The following CD47 variants were observed in gnomAD, a reference collection of about 807,000 sequenced individuals.
CD47 encodes the protein CD47 molecule, also known as leukocyte surface antigen CD47.
A neutral mutation model predicts 44.6 loss-of-function variants in CD47; 11 were observed. The observed-to-expected ratio is 0.25, with a 90% CI of 0.16 to 0.41. The LOEUF (loss-of-function observed/expected upper bound fraction) is 0.41, where lower values mean the gene tolerates loss of function less well. Ranked by LOEUF, CD47 falls within the 10% of genes least tolerant of loss-of-function variation. The probability of loss-of-function intolerance (pLI) is 1.00; values close to 1 mark genes in which losing one functional copy is unlikely to be tolerated. For missense variants in CD47, 306 were observed against 386.7 expected, an observed-to-expected ratio of 0.79 and a Z score of 1.75; for synonymous variants, 140 against 136.3, an observed-to-expected ratio of 1.03 and a Z score of -0.19.
rs879544590 is a variant in CD47 at position 108,088,625 on chromosome 3, A to AC, written c.46+2237_46+2238insG. The stretch of plus-strand genomic sequence containing the variant: ...ATTTAATCATATGTACCCTGATTTA[A>AC]AAAAAAAAACAACTCATTTTGAACA... On this transcript the variant is annotated intron_variant, in intron 1 of 10. Coordinates refer to ENST00000361309, the MANE Select transcript of CD47 (RefSeq NM_001777.4). Among the ~76,000 whole-genome samples the AC allele has an allele frequency of 6.9e-3, 1,045 of 150,568 alleles. 8 individuals are homozygous for AC. Among genetic ancestry groups the AC allele is most frequent in the South Asian group, 0.024 (115 of 4,808 alleles).
intron 1 of CD47, among the ~76,000 whole-genome samples, chr3:108,085,479 G>A (rs2079502374): frequency 6.6e-6 from 1 of 152,134 alleles, no homozygotes; most frequent in Non-Finnish European, 1.5e-5. Flanking sequence ...TATACAGCAA[G>A]TACTCAATAA....
chr3:108,065,609 G>A (rs996618687), intron 3 of CD47, among the ~76,000 whole-genome samples: 3 of 151,702 alleles, frequency 2.0e-5, no homozygotes, highest in Non-Finnish European at 2.9e-5. Flanking sequence ...TCAGGAGTTC[G>A]AGACCAGCCT....
chr3:108,064,397 T>C (rs1386635843), intron 3 of CD47, among the ~76,000 whole-genome samples: 2 of 152,180 alleles, frequency 1.3e-5, no homozygotes, highest in South Asian at 4.1e-4. Flanking sequence ...TTCATGCAGA[T>C]GAAGCAATGA....
At chr3:108,056,653 A>T (rs562960245) in intron 7 of CD47, among the ~76,000 whole-genome samples, 57 of 152,248 alleles carry the variant, frequency 3.7e-4, no homozygotes, top group African/African-American at 1.4e-3. Flanking sequence ...TAATTTTTTT[A>T]AAAAACGGAA....
intron 2 of CD47, among the ~76,000 whole-genome samples, chr3:108,075,937 A>C (rs991024645): frequency 2.6e-5 from 4 of 152,220 alleles, no homozygotes; most frequent in African/African-American, 9.6e-5. Context: ...GCAAGAAATG[A>C]GGGCAATCTC....
intron 2 of CD47, 140 bp downstream of exon 2, chr3:108,079,851 G>A (rs1215664584): frequency 1.7e-6 from 1 of 586,406 alleles, no homozygotes; most frequent in East Asian, 2.7e-5. Flanking sequence ...TCTTAAACTT[G>A]CTAAACATTA....
At chr3:108,090,673 G>C (rs914449927) in intron 1 of CD47, among the ~76,000 whole-genome samples, 190 bp downstream of exon 1, 10 of 152,174 alleles carry the variant, frequency 6.6e-5, no homozygotes, top group African/African-American at 1.9e-4. Context: ...GGAAAGGAAG[G>C]GAGGAAGAAG....
intron 2 of CD47, among the ~76,000 whole-genome samples, chr3:108,076,571 C>T (rs2108261493): frequency 6.6e-6 from 1 of 152,294 alleles, no homozygotes; most frequent in South Asian, 2.1e-4. Flanking sequence ...TGACCTTGAA[C>T]AATACCTTGA....
At chr3:108,058,728 G>A (rs1348552757) in intron 5 of CD47, among the ~76,000 whole-genome samples, 1 of 152,134 alleles carries the variant, frequency 6.6e-6, no homozygotes, top group Non-Finnish European at 1.5e-5. Flanking sequence ...AATATGAATG[G>A]CTATTATGAA....
chr3:108,080,591 A>G (rs190196616), intron 1 of CD47, among the ~76,000 whole-genome samples: 4 of 152,082 alleles, frequency 2.6e-5, no homozygotes, highest in African/African-American at 9.6e-5. Flanking sequence ...AGTATACATT[A>G]CATGCATCTT....
chr3:108,073,741 C>CT, intron 2 of CD47, among the ~76,000 whole-genome samples: 1 of 152,114 alleles, frequency 6.6e-6, no homozygotes, highest in Admixed American at 6.5e-5. Flanking sequence ...GAAAAATAAC[C>CT]TGACTTATTT....
In CD47 at chr3:108,050,587, G is replaced by T; in HGVS notation, c.925C>A (p.Pro309Thr). 1 of 1,197,614 alleles carries T rather than the reference G, an allele frequency of 8.3e-7. No individual in the cohort carries two copies. Among genetic ancestry groups the T allele is most frequent in the Non-Finnish European group, 1.2e-6 (1 of 836,672 alleles). The allele number at this position is 1,197,614 out of a possible 1,614,324, so 74.2% of individuals were successfully genotyped here. A position where few individuals can be genotyped will look rare whatever the true frequency, so the allele number is the denominator to read the frequency against. The change falls in exon 9 of 11, where the codon CCC becomes ACC. Residue 309 changes from proline (P) to threonine (T), a missense_variant. Coordinates refer to ENST00000361309, the MANE Select transcript of CD47 (RefSeq NM_001777.4). ...IQPPRKAVEE[P>T]LNAFKESKGM... ...TGAAATAACCACATACCATTAAGGG[G>T]TTCCTCTACAGCTTTCTGAAAAATA...
intron 7 of CD47, among the ~76,000 whole-genome samples, chr3:108,055,041 C>A (rs1197546716): frequency 6.6e-6 from 1 of 151,940 alleles, no homozygotes; most frequent in Non-Finnish European, 1.5e-5. Context: ...TCCTTTTTCT[C>A]ATCTTATAAA....
intron 1 of CD47, among the ~76,000 whole-genome samples, chr3:108,088,263 A>C (rs2079559050): frequency 6.6e-6 from 1 of 152,228 alleles, no homozygotes; most frequent in Non-Finnish European, 1.5e-5. Context: ...TTTTGGATTT[A>C]GAATATGTAT....
chr3:108,053,719 G>T (rs1252777918), intron 7 of CD47: 2 of 152,232 alleles, frequency 1.3e-5, no homozygotes, highest in African/African-American at 4.8e-5. Flanking sequence ...GCTCATAGGA[G>T]TCCAGTTTCT....
At chr3:108,047,414 C>CA in intron 10 of CD47, 122 bp from the exon 11 acceptor site, 9 of 594,266 alleles carry the variant, frequency 1.5e-5, no homozygotes, top group Admixed American at 3.5e-5. Flanking sequence ...AATAGACCTG[C>CA]AAAGGTCAGA....
intron 2 of CD47, among the ~76,000 whole-genome samples, chr3:108,076,109 TA>T (rs891068504): frequency 1.3e-5 from 2 of 152,254 alleles, no homozygotes; most frequent in African/African-American, 4.8e-5. Flanking sequence ...TTTAGTCTTT[TA>T]AGACTTTGAT....
At chr3:108,047,313 C>T in intron 10 of CD47, 21 bp from the exon 11 acceptor site, 2 of 1,591,800 alleles carry the variant, frequency 1.3e-6, no homozygotes, top group Non-Finnish European at 1.7e-6. Flanking sequence ...GAAAAATGAA[C>T]ACATAATCAC....
At chr3:108,051,603 C>T (rs2078829488) in intron 8 of CD47, among the ~76,000 whole-genome samples, 1 of 152,174 alleles carries the variant, frequency 6.6e-6, no homozygotes, top group Non-Finnish European at 1.5e-5. Context: ...TCTGTGTATG[C>T]ACATCCAATG....
Sources: gnomAD v4.1 joint callset for allele counts (sites outside exome capture counted in the v4.1 genomes callset) on GRCh38, gnomAD v4.1.1 for gene constraint, MANE v1.5 for transcripts, NCBI Gene and HGNC (gene_info 2026-07-23, HGNC 2026-07-21) for gene names.